SLX4: variants seen among roughly 807,000 people sequenced by gnomAD.
SLX4 encodes the protein SLX4 structure-specific endonuclease subunit.
SLX4 carries 112 observed loss-of-function variants against 146.2 expected under a neutral mutation model. The ratio of observed to expected loss-of-function variants is 0.77; its 90% CI spans 0.66 to 0.90. The LOEUF is 0.90. SLX4 is among the 40% of genes least tolerant of loss of function. The pLI is 0.00. For synonymous variants in SLX4, 1,061 were observed against 997.7 expected, an observed-to-expected ratio of 1.06 and a Z score of -1.20; for missense variants, 2,563 against 2,392.7, an observed-to-expected ratio of 1.07 and a Z score of -1.49.
rs2040452979 is a variant in SLX4, at chr16:3,582,629, C to A, written c.5218G>T (p.Val1740Phe). 6.2e-7 allele frequency: 1 copy of A among 1,613,574 alleles called. No individual in the cohort carries two copies. Among genetic ancestry groups the A allele is most frequent in the Non-Finnish European group, 8.5e-7 (1 of 1,180,040 alleles). ...TGCACGGCTGCCTGCGAGGCACTGA[C>A]CTCCCCCTCGCCCTCCTCTTCACCT... is the stretch of plus-strand genomic sequence containing the variant. ...SAGEEEGEGE[V>F]SASQAAVQAA... Residue 1740 changes from valine (V) to phenylalanine (F), a missense_variant, in exon 15 of 15, where the codon GTC becomes TTC. Transcript: ENST00000294008.
In SLX4 at chr16:3,596,199, G is replaced by A. The variant is rs2151129905; in HGVS notation, c.1878C>T (p.Ser626=). 1 of 1,550,824 alleles carries A rather than the reference G, an allele frequency of 6.4e-7. No homozygotes were observed. The highest frequency in any genetic ancestry group is 8.7e-7 in the Non-Finnish European group (1 of 1,149,548). The change falls in exon 8 of 15, where the codon AGC becomes AGT. Residue 626 remains serine, a synonymous_variant. Transcript: ENST00000294008. ...CCAGGCCCCCACTGCCGGGCCACGG[G>A]CTGGCGCTCAGTCCCTCCCTCGCCA... is the stretch of plus-strand genomic sequence containing the variant. ...VDLAREGLSA[S]PWPGSGGLAG...
intron 12 of SLX4, among the ~76,000 whole-genome samples, chr16:3,586,010 T>C (rs917961557): frequency 1.3e-5 from 2 of 150,732 alleles, no homozygotes; most frequent in Non-Finnish European, 3.0e-5. Flanking sequence ...CTCAAAACAA[T>C]AACAACAACA....
intron 10 of SLX4, among the ~76,000 whole-genome samples, chr16:3,593,894 CAG>C (rs1191305060): frequency 6.6e-6 from 1 of 152,050 alleles, no homozygotes; most frequent in African/African-American, 2.4e-5. Context: ...GTTTTTGAGA[CAG>C]AGTCTTGCTC....
At position 3,589,726 on chromosome 16, in the gene SLX4, G is replaced by A. The variant is rs140254478; in HGVS notation, c.3912C>T (p.Val1304=). Residue 1304 remains valine (V), a synonymous_variant, in exon 12 of 15, where the codon GTC becomes GTT. Transcript: ENST00000294008. This position sits in a 1 kb window ranked among gnomAD's most constrained non-coding sequence, Gnocchi z 6.2. ...ASVGNREGNE[V]AQKFSVIRPQ... ...GCCTGATGACAGAAAACTTCTGTGC[G>A]ACTTCGTTCCCTTCCCTGTTTCCTA... is the stretch of plus-strand genomic sequence containing the variant. 6.6e-5 allele frequency: 107 copies of A among 1,613,926 alleles called. No individual in the cohort carries two copies. In the East Asian group the frequency reaches 2.3e-3, roughly 34 times the overall value.
intron 4 of SLX4, 144 bp from the exon 5 acceptor site, chr16:3,601,335 C>T: frequency 1.2e-6 from 1 of 805,186 alleles, no homozygotes; most frequent in East Asian, 2.6e-5. Flanking sequence ...GGCTCCGTCT[C>T]CCGGCAGTCA....
At chr16:3,586,669 C>T (rs540604145) in intron 12 of SLX4, among the ~76,000 whole-genome samples, 13 of 151,836 alleles carry the variant, frequency 8.6e-5, no homozygotes, top group Non-Finnish European at 1.3e-4. Flanking sequence ...AAAAATTAGC[C>T]GGGCATGGCA....
In SLX4 at chr16:3,589,470, C is replaced by T. The variant is rs2040549932; in HGVS notation, c.4168G>A (p.Gly1390Ser). 1 of 1,608,418 alleles carries T rather than the reference C, an allele frequency of 6.2e-7. No homozygotes were observed. The highest frequency in any genetic ancestry group is 1.7e-5 in the Admixed American group (1 of 59,940). The change falls in exon 12 of 15, where the codon GGT becomes AGT. Residue 1390 changes from glycine (G) to serine (S), a missense_variant. By Grantham distance (56) the Gly-to-Ser change is moderately conservative (BLOSUM62 0). Coordinates refer to ENST00000294008, the MANE Select transcript of SLX4 (RefSeq NM_032444.4). This position sits in a 1 kb window ranked among gnomAD's most constrained non-coding sequence, Gnocchi z 6.2. ...GPSFLNQTPA[G>S]EVVEVGDSDD... ...CTGTCTCCGACTTCCACCACTTCAC[C>T]CGCTGGGGTCTGGTTCAGGAAGCTT...
At chr16:3,605,369 G>A (rs1422033487) in intron 3 of SLX4, among the ~76,000 whole-genome samples, 1 of 151,898 alleles carries the variant, frequency 6.6e-6, no homozygotes, top group East Asian at 2.0e-4. Flanking sequence ...CATTACAGGC[G>A]TGAGCCACCA....
At chr16:3,610,484 C>T (rs1010559605) in intron 1 of SLX4, among the ~76,000 whole-genome samples, 1 of 152,176 alleles carries the variant, frequency 6.6e-6, no homozygotes, top group African/African-American at 2.4e-5. Flanking sequence ...AAGTCAAACT[C>T]GTTTAATCCT....
chr16:3,599,905 T>G (rs575199920), intron 5 of SLX4, among the ~76,000 whole-genome samples: 3 of 152,296 alleles, frequency 2.0e-5, no homozygotes, highest in African/African-American at 7.2e-5. Context: ...ATCTGTGAAC[T>G]GTGCTGAGTA....
rs1459955960 is a variant in SLX4 at position 3,590,958 on chromosome 16, C to T, written c.2680G>A (p.Val894Ile). The T allele has an allele frequency of 6.2e-7, 1 of 1,614,208 alleles. No homozygotes were observed. The highest frequency in any genetic ancestry group is 2.2e-5 in the East Asian group (1 of 44,878). ...TTGTCCCACTGTTTCTGCACCTGGA[C>T]ACCTGCTAGGAGTTGCCCAGAAACC... The part of the protein sequence containing the change: ...SPVSGQLLAG[V>I]QVQKQWDKVE... The change falls in exon 12 of 15, where the codon GTC becomes ATC. Residue 894 changes from valine (V) to isoleucine (I), a missense_variant. Physicochemically the swap from Val to Ile is conservative, Grantham distance 29. Transcript: ENST00000294008. This position sits in a 1 kb window ranked among gnomAD's most constrained non-coding sequence, Gnocchi z 4.8.
chr16:3,589,834 G>A lies in SLX4; in HGVS notation c.3804C>T (p.Asp1268=), dbSNP rs2040559282. ...PATPLASRSR[D]CSSQTQISSL... ...TGCTGATTTGGGTCTGGGAAGAACA[G>A]TCACGGCTTCTGCTGGCCAGCGGGG... The change falls in exon 12 of 15, where the codon GAC becomes GAT. Residue 1268 remains aspartate (D), a synonymous_variant. Coordinates refer to ENST00000294008, the MANE Select transcript of SLX4 (RefSeq NM_032444.4). The surrounding 1 kb of genome is among the most constrained non-coding windows in gnomAD (Gnocchi z 6.2). 6.2e-7 allele frequency: 1 copy of A among 1,613,346 alleles called. No homozygotes were observed. Among genetic ancestry groups the A allele is most frequent in the South Asian group, 1.1e-5 (1 of 91,096 alleles).
At position 3,589,847 on chromosome 16, in the gene SLX4, C is replaced by T. The variant is rs769371909; in HGVS notation, c.3791G>A (p.Ser1264Asn). The T allele has an allele frequency of 6.2e-7, 1 of 1,613,430 alleles. No homozygotes were observed. The highest frequency in any genetic ancestry group is 1.7e-5 in the Admixed American group (1 of 60,024). ...SWLVPATPLA[S>N]RSRDCSSQTQ... is the part of the protein sequence containing the mutation. ...CTGGGAAGAACAGTCACGGCTTCTG[C>T]TGGCCAGCGGGGTGGCGGGCACCAG... The change falls in exon 12 of 15, where the codon AGC becomes AAC. Residue 1264 changes from serine to asparagine, a missense_variant. Physicochemically the swap from Ser to Asn is conservative, Grantham distance 46 (BLOSUM62 1). Transcript: ENST00000294008. This position sits in a 1 kb window ranked among gnomAD's most constrained non-coding sequence, Gnocchi z 6.2.
chr16:3,589,531 G>C lies in SLX4; in HGVS notation c.4107C>G (p.Phe1369Leu), dbSNP rs1439664912. The change falls in exon 12 of 15, where the codon TTC (phenylalanine) becomes TTG (leucine). Residue 1369 changes from phenylalanine (F) to leucine (L), a missense_variant. Physicochemically the swap from Phe to Leu is conservative, Grantham distance 22. Transcript: ENST00000294008. This position sits in a 1 kb window ranked among gnomAD's most constrained non-coding sequence, Gnocchi z 6.2. Reference sequence around the variant, plus strand: ...GCGAGTGTTTCAGGAACCGCCTGCTGAAGTGGGCGCGGTCCCCTGAGATGG... The same window carrying C: ...GCGAGTGTTTCAGGAACCGCCTGCTCAAGTGGGCGCGGTCCCCTGAGATGG... ...PHPISGDRAH[F>L]SRRFLKHSPP... 6.2e-7 allele frequency: 1 copy of C among 1,609,950 alleles called. No individual in the cohort carries two copies. Among genetic ancestry groups the C allele is most frequent in the African/African-American group, 1.3e-5 (1 of 74,868 alleles).
chr16:3,582,958 C>T, intron 14 of SLX4, 139 bp downstream of exon 14: 1 of 1,155,150 alleles, frequency 8.7e-7, no homozygotes, highest in South Asian at 1.3e-5. Flanking sequence ...CTAAACCCAC[C>T]TGGTTTTCCC....
At position 3,590,471 on chromosome 16, in the gene SLX4, A is replaced by G. The variant is rs770361259; in HGVS notation, c.3167T>C (p.Leu1056Pro). The stretch of plus-strand genomic sequence containing the variant: ...TCCGCCACGGGACCGGGGTGTTGAC[A>G]GGGACGACCCACTTGTGTGATGAGA... ...RGSHHTSGSS[L>P]STPRSRGGTS... Residue 1056 changes from leucine (L) to proline (P), a missense_variant, in exon 12 of 15, where the codon CTG becomes CCG. Leu to Pro is a moderately conservative substitution (Grantham distance 98). Coordinates refer to ENST00000294008, the MANE Select transcript of SLX4 (RefSeq NM_032444.4). The surrounding 1 kb of genome is among the most constrained non-coding windows in gnomAD (Gnocchi z 4.8). 1 of 1,614,136 alleles carries G rather than the reference A, an allele frequency of 6.2e-7. No homozygotes were observed. Among genetic ancestry groups the G allele is most frequent in the Admixed American group, 1.7e-5 (1 of 60,030 alleles).
chr16:3,606,792 T>C (rs2040790803), intron 2 of SLX4, 94 bp from the exon 3 acceptor site: 8 of 1,352,874 alleles, frequency 5.9e-6, no homozygotes, highest in South Asian at 2.4e-5. Flanking sequence ...GTTTCAAGAG[T>C]CCTTTATCAA....
At chr16:3,588,728 G>A (rs2151120584) in intron 12 of SLX4, among the ~76,000 whole-genome samples, 1 of 152,294 alleles carries the variant, frequency 6.6e-6, no homozygotes. Context: ...CTGGAGAAGG[G>A]TCCACAGATG....
rs1212106693 is a variant in SLX4, at chr16:3,604,797, G to T, written c.760+1677C>A. 3.5e-5 allele frequency among the ~76,000 whole-genome samples: 5 copies of T among 141,738 alleles called. No homozygotes were observed. In the Admixed American group the frequency reaches 3.6e-4, roughly 10 times the overall value. 93.0% of individuals were successfully genotyped at this position (141,738 alleles called of 152,430 possible). ...ATTGCGCCACTGCACCCCAACCTGGGAGACAGACCAAGACTCCATCTCAAA... is the reference window on the plus strand; with the variant it reads ...ATTGCGCCACTGCACCCCAACCTGGTAGACAGACCAAGACTCCATCTCAAA... On this transcript the variant is annotated intron_variant, in intron 3 of 14. Transcript: ENST00000294008.
Sources: allele counts gnomAD v4.1 joint callset (sites outside exome capture counted in the v4.1 genomes callset), GRCh38; gene constraint gnomAD v4.1.1; non-coding constraint Gnocchi (gnomAD v3.1); transcripts MANE v1.5; gene names NCBI Gene and HGNC (gene_info 2026-07-23, HGNC 2026-07-21).